Variants in NAV3 observed in about 807,000 individuals in gnomAD.
NAV3 encodes the protein neuron navigator 3.
In NAV3, 87 loss-of-function variants were observed where a neutral mutation model predicts 244.7. The observed-to-expected ratio is 0.36, with a 90% CI of 0.30 to 0.42. NAV3 has a LOEUF of 0.42. NAV3 is among the 20% of genes least tolerant of loss of function. The pLI is 1.00. For synonymous variants in NAV3, 1,126 were observed against 1,042.2 expected (o/e 1.08, Z -1.55); for missense variants, 2,663 against 2,893.3 (o/e 0.92, Z 1.83).
At chr12:77,670,038 T>C (rs1295838875) in intron 2 of NAV3, among the ~76,000 whole-genome samples, 3 of 151,928 alleles carry the variant, frequency 2.0e-5, no homozygotes, top group Non-Finnish European at 4.4e-5. Context: ...GTAAATAAAA[T>C]TGATAGACCA....
At chr12:78,180,214 T>A (rs1327781320) in intron 29 of NAV3, among the ~76,000 whole-genome samples, 1 of 152,136 alleles carries the variant, frequency 6.6e-6, no homozygotes, top group East Asian at 1.9e-4. Context: ...AGAACCAGTC[T>A]GTGCTCAGAC....
intron 2 of NAV3, among the ~76,000 whole-genome samples, chr12:77,806,783 A>G (rs760205112): frequency 4.6e-5 from 7 of 152,138 alleles, no homozygotes; most frequent in Non-Finnish European, 8.8e-5. Flanking sequence ...TTCTCCCACT[A>G]TTATTGTGTG....
At chr12:77,748,044 A>T (rs1446996894) in intron 2 of NAV3, among the ~76,000 whole-genome samples, 1 of 152,200 alleles carries the variant, frequency 6.6e-6, no homozygotes, top group Non-Finnish European at 1.5e-5. Flanking sequence ...AAAAAATAAA[A>T]ATAAAAAAAA....
chr12:77,831,606 A>C lies in NAV3; in HGVS notation c.145A>C (p.Ser49Arg). 6.2e-7 allele frequency: 1 copy of C among 1,614,092 alleles called. No homozygotes were observed. Residue 49 changes from serine to arginine, a missense_variant, in exon 1 of 40, where the codon AGC (serine) becomes CGC (arginine). Around this residue, in one of 6 missense-constraint regions of NAV3, gnomAD observed 1,521 missense variants for 1,497.0 expected, o/e 1.02. Transcript: ENST00000397909. ...ACCTTTGGAACTTACTGAAACAGAG[A>C]GCTCCATGCTTTCTTGTCAGCTTGC... is the stretch of plus-strand genomic sequence containing the variant. ...SRPLELTETE[S>R]SMLSCQLALK...
chr12:77,649,842 T>C (rs1486096012), intron 2 of NAV3, among the ~76,000 whole-genome samples: 1 of 152,192 alleles, frequency 6.6e-6, no homozygotes, highest in Non-Finnish European at 1.5e-5. Context: ...CTTTTGTTTA[T>C]ACTTTGCAAT....
chr12:78,146,393 GT>G lies in NAV3; in HGVS notation c.4707+2del. The G allele has an allele frequency of 1.9e-6, 2 of 1,038,486 alleles. No individual in the cohort carries two copies. The highest frequency in any genetic ancestry group is 2.6e-6 in the Non-Finnish European group (2 of 772,678). The allele number at this position is 1,038,486 out of a possible 1,614,324, so 64.3% of individuals were successfully genotyped here. The stretch of plus-strand genomic sequence containing the variant: ...GGCTGAAGAAAAGGCTCATTCAGAG[GT>G]AAAAAAAAAATATGCAATATTTTAA... On this transcript the variant is annotated splice_donor_variant, in intron 21 of 39. Transcript: ENST00000397909. LOFTEE classifies it high-confidence loss of function.
chr12:77,932,388 A>G (rs1018873562), intron 1 of NAV3, among the ~76,000 whole-genome samples: 1 of 152,006 alleles, frequency 6.6e-6, no homozygotes, highest in African/African-American at 2.4e-5. Context: ...GGTCTGTGGG[A>G]AAATCTGTTT....
At position 77,940,368 on chromosome 12, in the gene NAV3, G is replaced by T. The variant is rs780245136; in HGVS notation, c.293G>T (p.Arg98Leu). Residue 98 changes from arginine (R) to leucine (L), a missense_variant, in exon 2 of 40, where the codon CGG (arginine) becomes CTG (leucine). Physicochemically the swap from Arg to Leu is moderately radical, Grantham distance 102 (BLOSUM62 -2). Around this residue, in one of 6 missense-constraint regions of NAV3, gnomAD observed 1,521 missense variants for 1,497.0 expected, o/e 1.02. Coordinates refer to ENST00000397909, the MANE Select transcript of NAV3 (RefSeq NM_001024383.2). ...NHYLAKSGHK[R>L]LIKDLQQDIA... ...TACCTAGCAAAATCAGGCCACAAGC[G>T]GCTGATCAAGGACTTGCAACAAGAC... The T allele has an allele frequency of 1.2e-6, 2 of 1,613,672 alleles. No homozygotes were observed. Among genetic ancestry groups the T allele is most frequent in the East Asian group, 2.2e-5 (1 of 44,864 alleles).
At chr12:78,182,713 G>A (rs143407997) in intron 30 of NAV3, among the ~76,000 whole-genome samples, 4 of 151,646 alleles carry the variant, frequency 2.6e-5, no homozygotes, top group South Asian at 2.1e-4. Context: ...CAAGTTTTAC[G>A]TTTTTTTAAT....
chr12:77,613,493 G>A (rs1019254841), intron 2 of NAV3, among the ~76,000 whole-genome samples: 1 of 151,996 alleles, frequency 6.6e-6, no homozygotes, highest in East Asian at 1.9e-4. Context: ...AAAGACTCAG[G>A]GTGTCCTCTG....
intron 39 of NAV3, among the ~76,000 whole-genome samples, chr12:78,208,524 C>T (rs534740988): frequency 1.3e-5 from 2 of 152,206 alleles, no homozygotes; most frequent in South Asian, 2.1e-4. Flanking sequence ...CTAAATCATA[C>T]GTAATCTTCT....
chr12:77,919,605 C>T (rs1225318148), intron 1 of NAV3, among the ~76,000 whole-genome samples: 1 of 151,974 alleles, frequency 6.6e-6, no homozygotes, highest in Non-Finnish European at 1.5e-5. Context: ...TGTAATTTAG[C>T]TTATTTCTTA....
intron 9 of NAV3, among the ~76,000 whole-genome samples, chr12:78,044,583 T>C: frequency 6.6e-6 from 1 of 152,232 alleles, no homozygotes; most frequent in East Asian, 1.9e-4. Flanking sequence ...TTTTTTCGTT[T>C]GTTTGTGTCC....
At chr12:78,021,132 C>T (rs1336468931) in intron 8 of NAV3, among the ~76,000 whole-genome samples, 2 of 152,096 alleles carry the variant, frequency 1.3e-5, no homozygotes, top group African/African-American at 4.8e-5. Context: ...TAATTAGACA[C>T]ACTCTTTACA....
At chr12:78,079,068 A>G (rs998452757) in intron 12 of NAV3, among the ~76,000 whole-genome samples, 1 of 152,180 alleles carries the variant, frequency 6.6e-6, no homozygotes, top group Non-Finnish European at 1.5e-5. Flanking sequence ...ATTGACTCCA[A>G]AATAAAACTG....
intron 2 of NAV3, among the ~76,000 whole-genome samples, chr12:77,716,355 G>A (rs942416471): frequency 6.6e-6 from 1 of 151,248 alleles, no homozygotes; most frequent in African/African-American, 2.4e-5. Flanking sequence ...GAATGAATAA[G>A]GAATGTACCA....
intron 2 of NAV3, among the ~76,000 whole-genome samples, chr12:77,686,942 C>T (rs999607204): frequency 6.6e-6 from 1 of 151,936 alleles, no homozygotes; most frequent in African/African-American, 2.4e-5. Flanking sequence ...AACATGTGTG[C>T]ATGTCCATGA....
At chr12:78,016,347 A>G (rs1876212268) in intron 8 of NAV3, among the ~76,000 whole-genome samples, 1 of 152,128 alleles carries the variant, frequency 6.6e-6, no homozygotes, top group Non-Finnish European at 1.5e-5. Context: ...ACATATACAT[A>G]CATTCATAAT....
At chr12:77,726,101 A>G (rs559104693) in intron 2 of NAV3, among the ~76,000 whole-genome samples, 16 of 151,870 alleles carry the variant, frequency 1.1e-4, no homozygotes, top group Non-Finnish European at 2.1e-4. Context: ...TCATATATTC[A>G]CAGGTTTCAA....
Sources: gnomAD v4.1 joint callset for allele counts (sites outside exome capture counted in the v4.1 genomes callset) on GRCh38, gnomAD v4.1.1 for gene constraint, gnomAD v4.1.1 regional missense constraint, MANE v1.5 for transcripts, NCBI Gene and HGNC (gene_info 2026-07-23, HGNC 2026-07-21) for gene names.